DTNB: variants seen among roughly 807,000 people sequenced by gnomAD.
The protein encoded by DTNB is DTN-B.
A neutral mutation model predicts 90.7 loss-of-function variants in DTNB; 63 were observed. That is an observed-to-expected ratio of 0.69 (90% confidence interval 0.57 to 0.86). The LOEUF is 0.86. Among genes scored for constraint, DTNB ranks in the 40% least tolerant of loss-of-function variants. DTNB has a pLI of 0.00. For synonymous variants in DTNB, 277 were observed against 286.7 expected, an observed-to-expected ratio of 0.97 and a Z score of 0.34; for missense variants, 744 against 807.1, an observed-to-expected ratio of 0.92 and a Z score of 0.95.
intron 16 of DTNB, among the ~76,000 whole-genome samples, chr2:25,388,933 G>A (rs555463359): frequency 7.2e-5 from 11 of 151,938 alleles, no homozygotes; most frequent in Admixed American, 2.6e-4. Flanking sequence ...TGTAACCTCC[G>A]CCTCCCAGGT....
chr2:25,625,801 C>T (rs970207051), intron 4 of DTNB, among the ~76,000 whole-genome samples: 4 of 152,000 alleles, frequency 2.6e-5, no homozygotes, highest in Non-Finnish European at 4.4e-5. Flanking sequence ...GCCTGTGTTC[C>T]CCAAAATTCA....
intron 1 of DTNB, among the ~76,000 whole-genome samples, chr2:25,657,343 T>C (rs2082262255): frequency 6.6e-6 from 1 of 152,100 alleles, no homozygotes; most frequent in Non-Finnish European, 1.5e-5. Context: ...AAAGATACTA[T>C]TAAGTGAATG....
chr2:25,533,058 A>G lies in DTNB; in HGVS notation c.877-1461T>C, dbSNP rs138427900. Among the ~76,000 whole-genome samples, 653 of 152,294 alleles carry G rather than the reference A, an allele frequency of 4.3e-3. 4 individuals carry two copies. Among genetic ancestry groups the G allele is most frequent in the African/African-American group, 0.015 (612 of 41,550 alleles). ...GGAAAACTTGGTCAGGCACAGTGGC[A>G]CACTCCTATAATCCCAGCACTTTGG... On this transcript the variant is annotated intron_variant, in intron 8 of 20. Transcript: ENST00000406818.
intron 10 of DTNB, among the ~76,000 whole-genome samples, chr2:25,474,805 T>C (rs946048562): frequency 6.6e-6 from 1 of 152,220 alleles, no homozygotes; most frequent in Non-Finnish European, 1.5e-5. Flanking sequence ...GTGCCACATT[T>C]TGGTAATTCT....
At chr2:25,410,506 C>T (rs1056893769) in intron 16 of DTNB, among the ~76,000 whole-genome samples, 1 of 152,106 alleles carries the variant, frequency 6.6e-6, no homozygotes, top group Non-Finnish European at 1.5e-5. Flanking sequence ...AGAGTAAGTT[C>T]CTGAACATAA....
intron 8 of DTNB, among the ~76,000 whole-genome samples, chr2:25,575,718 G>C (rs1027868659): frequency 4.6e-5 from 7 of 152,086 alleles, no homozygotes; most frequent in African/African-American, 1.4e-4. Context: ...AAGGCCAATA[G>C]GATAACCAGG....
chr2:25,572,750 C>T (rs1472992973), intron 8 of DTNB, among the ~76,000 whole-genome samples: 1 of 151,890 alleles, frequency 6.6e-6, no homozygotes. Context: ...ATGTAATTCC[C>T]TCAGAAACTT....
intron 2 of DTNB, among the ~76,000 whole-genome samples, chr2:25,651,628 G>A (rs553006120): frequency 1.3e-5 from 2 of 152,286 alleles, no homozygotes; most frequent in South Asian, 2.1e-4. Context: ...ATGACTGACA[G>A]GACAACACAT....
intron 12 of DTNB, among the ~76,000 whole-genome samples, chr2:25,434,276 G>A (rs755927449): frequency 3.3e-5 from 5 of 151,628 alleles, no homozygotes; most frequent in South Asian, 2.1e-4. Flanking sequence ...GCAGCCATGC[G>A]TCTGCTTTCT....
intron 1 of DTNB, among the ~76,000 whole-genome samples, chr2:25,653,981 T>C (rs1156702262): frequency 6.6e-6 from 1 of 152,222 alleles, no homozygotes; most frequent in Admixed American, 6.5e-5. Flanking sequence ...CAGATCATTT[T>C]TCTCCTTTTT....
chr2:25,427,406 T>C, intron 15 of DTNB, 129 bp downstream of exon 15: 1 of 828,368 alleles, frequency 1.2e-6, no homozygotes, highest in Non-Finnish European at 1.8e-6. Flanking sequence ...GCTAAATTTA[T>C]CTGAAAACTG....
At chr2:25,654,600 C>A (rs1393251042) in intron 1 of DTNB, among the ~76,000 whole-genome samples, 1 of 152,178 alleles carries the variant, frequency 6.6e-6, no homozygotes, top group Non-Finnish European at 1.5e-5. Context: ...CAGTTGACAT[C>A]CTGAATTCTA....
At chr2:25,558,546 T>C (rs1270840356) in intron 8 of DTNB, 1 of 289,378 alleles carries the variant, frequency 3.5e-6, no homozygotes, top group East Asian at 1.7e-4. Context: ...AACCTCCTTG[T>C]CATCGCTCTA....
At chr2:25,407,830 T>C (rs1176091471) in intron 16 of DTNB, among the ~76,000 whole-genome samples, 1 of 152,176 alleles carries the variant, frequency 6.6e-6, no homozygotes, top group East Asian at 1.9e-4. Context: ...CAATGTACAC[T>C]AGTTGGGTGA....
intron 9 of DTNB, among the ~76,000 whole-genome samples, chr2:25,485,802 CCTGT>C (rs200584763): frequency 1.9e-3 from 296 of 151,946 alleles, no homozygotes; most frequent in African/African-American, 6.8e-3. Flanking sequence ...GTAGTGAGAC[CCTGT>C]CTTCACAAAA....
At chr2:25,449,276 T>C (rs1373081542) in intron 12 of DTNB, among the ~76,000 whole-genome samples, 1 of 152,250 alleles carries the variant, frequency 6.6e-6, no homozygotes, top group African/African-American at 2.4e-5. Context: ...CTATTATGAA[T>C]TGAACTGCTA....
chr2:25,407,901 CTTG>C lies in DTNB; in HGVS notation c.1575+11611_1575+11613del, dbSNP rs2045619334. Among the ~76,000 whole-genome samples the C allele has an allele frequency of 2.6e-5, 4 of 152,262 alleles. 1 individual carries two copies. In the South Asian group the frequency reaches 8.3e-4, roughly 32 times the overall value. On this transcript the variant is annotated intron_variant, in intron 16 of 20. Coordinates refer to ENST00000406818, the MANE Select transcript of DTNB (RefSeq NM_021907.5). The stretch of plus-strand genomic sequence containing the variant: ...CACTCATCCATGTAACCAAAAACCA[CTTG>C]TACCCCAAAAGCTGTTGTAATAAAA...
chr2:25,562,501 T>G (rs1320591792), intron 8 of DTNB, among the ~76,000 whole-genome samples: 1 of 152,216 alleles, frequency 6.6e-6, no homozygotes, highest in African/African-American at 2.4e-5. Context: ...TAAGAAACTG[T>G]TAAACTGTTT....
chr2:25,660,383 A>G (rs1230459246), intron 1 of DTNB, among the ~76,000 whole-genome samples: 1 of 152,214 alleles, frequency 6.6e-6, no homozygotes, highest in Non-Finnish European at 1.5e-5. Context: ...AGGTAAATCC[A>G]TAGCAACAGA....
Sources: allele counts gnomAD v4.1 joint callset (sites outside exome capture counted in the v4.1 genomes callset), GRCh38; gene constraint gnomAD v4.1.1; transcripts MANE v1.5; gene names NCBI Gene and HGNC (gene_info 2026-07-23, HGNC 2026-07-21).